The following CDH13 variants were observed in gnomAD, a reference collection of about 807,000 sequenced individuals.
CDH13 encodes cadherin 13, also known as cadherin-13.
A neutral mutation model predicts 63.8 loss-of-function variants in CDH13; 24 were observed. The observed-to-expected ratio is 0.38, with a 90% CI of 0.27 to 0.53. The LOEUF is 0.53. Among genes scored for constraint, CDH13 ranks in the 20% least tolerant of loss-of-function variants. The probability of loss-of-function intolerance (pLI) is 0.85; values close to 1 mark genes in which losing one functional copy is unlikely to be tolerated. For synonymous variants in CDH13, 503 were observed against 355.3 expected (o/e 1.42, Z -4.67); for missense variants, 1,049 against 903.1 (o/e 1.16, Z -2.07).
intron 7 of CDH13, among the ~76,000 whole-genome samples, chr16:83,548,734 T>C (rs985122378): frequency 1.3e-5 from 2 of 152,066 alleles, no homozygotes; most frequent in Non-Finnish European, 2.9e-5. Flanking sequence ...GCCTTTTTTT[T>C]TCTCTGTTAA....
chr16:82,647,646 C>T (rs546114978), intron 1 of CDH13, among the ~76,000 whole-genome samples: 12 of 152,274 alleles, frequency 7.9e-5, no homozygotes, highest in African/African-American at 1.2e-4. Flanking sequence ...TGATTCAAAG[C>T]TGCCCCAGGG....
chr16:82,680,301 T>C (rs1380243741), intron 1 of CDH13, among the ~76,000 whole-genome samples: 1 of 152,228 alleles, frequency 6.6e-6, no homozygotes, highest in African/African-American at 2.4e-5. Context: ...TTTCTGCATG[T>C]CGTGTGTTAG....
At chr16:83,254,695 G>T (rs927662422) in intron 5 of CDH13, among the ~76,000 whole-genome samples, 5 of 152,198 alleles carry the variant, frequency 3.3e-5, no homozygotes, top group Non-Finnish European at 7.3e-5. Flanking sequence ...TTTTTAAAAA[G>T]TTGAACCTTG....
intron 6 of CDH13, among the ~76,000 whole-genome samples, chr16:83,457,931 C>A (rs2073067691): frequency 6.6e-6 from 1 of 152,196 alleles, no homozygotes; most frequent in African/African-American, 2.4e-5. Flanking sequence ...CGTCTGAGAA[C>A]CCTCATCGGA....
chr16:82,714,856 T>A (rs1485282392), intron 1 of CDH13, among the ~76,000 whole-genome samples: 1 of 141,268 alleles, frequency 7.1e-6, no homozygotes, highest in Admixed American at 7.7e-5. Context: ...GAGAACAGCA[T>A]GAAACAGACT....
rs561407841 is a variant in CDH13, at chr16:83,047,458, T to G, written c.366+15240T>G. Among the ~76,000 whole-genome samples the G allele has an allele frequency of 6.6e-6, 1 of 152,258 alleles. No homozygotes were observed. Among genetic ancestry groups the G allele is most frequent in the East Asian group, 1.9e-4 (1 of 5,182 alleles). The stretch of plus-strand genomic sequence containing the variant: ...AGCGTGACCACCAGTCTTATTTACC[T>G]TGTTATCTGTAATTTCCTCTTTCCC... On this transcript the variant is annotated intron_variant, in intron 3 of 13. Coordinates refer to ENST00000567109, the MANE Select transcript of CDH13 (RefSeq NM_001257.5). The surrounding 1 kb of genome is among the most constrained non-coding windows in gnomAD (Gnocchi z 4.9).
chr16:82,887,869 G>T (rs2040945875), intron 2 of CDH13, among the ~76,000 whole-genome samples: 1 of 151,566 alleles, frequency 6.6e-6, no homozygotes, highest in Non-Finnish European at 1.5e-5. Context: ...TTTTTTTCCA[G>T]CAGGTGAACC....
chr16:82,917,914 C>CAAAA (rs34766700), intron 2 of CDH13, among the ~76,000 whole-genome samples: 5 of 45,938 alleles, frequency 1.1e-4, no homozygotes, highest in South Asian at 7.4e-4. Flanking sequence ...GACTCCATGT[C>CAAAA]AAAAAAAAAA....
intron 1 of CDH13, among the ~76,000 whole-genome samples, chr16:82,723,921 C>T (rs1280124274): frequency 2.0e-5 from 3 of 152,106 alleles, no homozygotes; most frequent in South Asian, 4.2e-4. Flanking sequence ...CTCCGTCTTC[C>T]ACTCCTTGCA....
At chr16:83,524,821 C>G (rs1210423986) in intron 7 of CDH13, among the ~76,000 whole-genome samples, 1 of 152,080 alleles carries the variant, frequency 6.6e-6, no homozygotes, top group East Asian at 1.9e-4. Context: ...CTGAGAGTGT[C>G]AAGTTTATCC....
chr16:82,686,878 A>G (rs1211485547), intron 1 of CDH13, among the ~76,000 whole-genome samples: 1 of 152,228 alleles, frequency 6.6e-6, no homozygotes, highest in East Asian at 1.9e-4. Flanking sequence ...TACTCAAGCT[A>G]CAACAGGAGA....
intron 3 of CDH13, among the ~76,000 whole-genome samples, chr16:83,061,271 CAAGAGGTGACTCT>C (rs2031525401): frequency 6.6e-6 from 1 of 152,168 alleles, no homozygotes; most frequent in African/African-American, 2.4e-5. Context: ...GGAGATAACT[CAAGAGGTGACTCT>C]AATGGTAGAC....
chr16:83,612,925 C>CA (rs781711412), intron 8 of CDH13, among the ~76,000 whole-genome samples: 2 of 152,134 alleles, frequency 1.3e-5, no homozygotes, highest in Admixed American at 1.3e-4. Flanking sequence ...TGTGCTTCCA[C>CA]ATGGAAGAAT....
chr16:82,875,929 G>A lies in CDH13; in HGVS notation c.157+17456G>A, dbSNP rs932047928. 3.9e-5 allele frequency among the ~76,000 whole-genome samples: 6 copies of A among 152,324 alleles called. No homozygotes were observed. In the South Asian group the frequency reaches 1.0e-3, roughly 26 times the overall value. ...TTATTGGACTTACAGTTCCACATGA[G>A]TGGGGAGGCCTCACAATCATGGTGG... On this transcript the variant is annotated intron_variant, in intron 2 of 13. Transcript: ENST00000567109.
At chr16:83,663,227 C>T (rs903031888) in intron 8 of CDH13, among the ~76,000 whole-genome samples, 1 of 152,172 alleles carries the variant, frequency 6.6e-6, no homozygotes, top group Non-Finnish European at 1.5e-5. Context: ...AAGCTAGGAT[C>T]ACATGATACA....
At position 83,128,833 on chromosome 16, in the gene CDH13, C is replaced by G. The variant is rs540446804; in HGVS notation, c.483+3332C>G. ...CTGAGGACTCACTTCTTCTTAGCCC[C>G]TTATGTGTTGCCCATACTTGTTCTC... On this transcript the variant is annotated intron_variant, in intron 4 of 13. Transcript: ENST00000567109. Among the ~76,000 whole-genome samples, 27 of 152,294 alleles carry G rather than the reference C, an allele frequency of 1.8e-4. No homozygotes were observed. In the South Asian group the frequency reaches 2.5e-3, roughly 14 times the overall value.
chr16:83,128,070 T>C (rs2035889756), intron 4 of CDH13, among the ~76,000 whole-genome samples: 2 of 152,202 alleles, frequency 1.3e-5, no homozygotes, highest in African/African-American at 4.8e-5. Context: ...TTCTCGTTTT[T>C]CAGTTTTCTT....
At chr16:82,692,523 T>A (rs796658932) in intron 1 of CDH13, among the ~76,000 whole-genome samples, 4 of 152,250 alleles carry the variant, frequency 2.6e-5, no homozygotes, top group African/African-American at 9.6e-5. Context: ...GAGAATGACA[T>A]GGGAAAGAGC....
At chr16:83,739,754 G>C (rs749204287) in intron 10 of CDH13, among the ~76,000 whole-genome samples, 6 of 152,124 alleles carry the variant, frequency 3.9e-5, no homozygotes, top group Non-Finnish European at 7.4e-5. Flanking sequence ...CAGCACATGG[G>C]TCAACCAATG....
Sources: gnomAD v4.1 joint callset for allele counts (sites outside exome capture counted in the v4.1 genomes callset) on GRCh38, gnomAD v4.1.1 for gene constraint, Gnocchi (gnomAD v3.1) non-coding constraint, MANE v1.5 for transcripts, NCBI Gene and HGNC (gene_info 2026-07-23, HGNC 2026-07-21) for gene names.